The following COL5A2 variants were observed in gnomAD, a reference collection of about 807,000 sequenced individuals.
The protein encoded by COL5A2 is collagen alpha-2(V) chain.
COL5A2 carries 23 observed loss-of-function variants against 208.2 expected under a neutral mutation model. The observed-to-expected ratio is 0.11, with a 90% CI of 0.08 to 0.16. The LOEUF (loss-of-function observed/expected upper bound fraction) is 0.16. Ranked by LOEUF, COL5A2 falls within the 10% of genes least tolerant of loss-of-function variation. The probability of loss-of-function intolerance (pLI) is 1.00; values close to 1 mark genes in which losing one functional copy is unlikely to be tolerated. For missense variants in COL5A2, 1,590 were observed against 1,956.4 expected, an observed-to-expected ratio of 0.81 and a Z score of 3.53; for synonymous variants, 625 against 628.5, an observed-to-expected ratio of 0.99 and a Z score of 0.08.
intron 1 of COL5A2, among the ~76,000 whole-genome samples, chr2:189,120,682 T>G (rs904579234): frequency 6.6e-6 from 1 of 152,196 alleles, no homozygotes; most frequent in Non-Finnish European, 1.5e-5. Flanking sequence ...ACAGTCTGGA[T>G]ACATAGCAGA....
chr2:189,129,368 T>G (rs1687667633), intron 1 of COL5A2, among the ~76,000 whole-genome samples: 2 of 152,124 alleles, frequency 1.3e-5, no homozygotes, highest in South Asian at 4.1e-4. Flanking sequence ...AAAATCCATG[T>G]TTTTCAATAT....
the COL5A2 span, among the ~76,000 whole-genome samples, chr2:189,421,259 T>C: frequency 9.9e-5 from 15 of 152,058 alleles, no homozygotes; most frequent in East Asian, 3.9e-4. Flanking sequence ...TTACGAAACA[T>C]AACTTGCAGG....
intron 1 of COL5A2, among the ~76,000 whole-genome samples, chr2:189,187,450 T>C (rs971612401): frequency 6.6e-6 from 1 of 152,210 alleles, no homozygotes; most frequent in East Asian, 1.9e-4. Context: ...TGGGTCATGA[T>C]GAAAACATCA....
chr2:189,044,183 G>T (rs1348421224), intron 47 of COL5A2, among the ~76,000 whole-genome samples: 1 of 152,130 alleles, frequency 6.6e-6, no homozygotes, highest in Non-Finnish European at 1.5e-5. Flanking sequence ...GAAGATGACT[G>T]CAGTCATCAA....
intron 1 of COL5A2, among the ~76,000 whole-genome samples, chr2:189,177,658 T>C (rs1398348596): frequency 6.6e-6 from 1 of 152,178 alleles, no homozygotes; most frequent in Non-Finnish European, 1.5e-5. Flanking sequence ...GCTATTTGGT[T>C]ATACTGTTCG....
chr2:189,192,446 G>C (rs1375515346), intron 1 of COL5A2, among the ~76,000 whole-genome samples: 1 of 152,130 alleles, frequency 6.6e-6, no homozygotes, highest in Non-Finnish European at 1.5e-5. Flanking sequence ...CGACCCCATA[G>C]GTCCTTCGAG....
At chr2:189,082,926 A>G (rs925277809) in intron 12 of COL5A2, among the ~76,000 whole-genome samples, 39 of 152,190 alleles carry the variant, frequency 2.6e-4, no homozygotes, top group Non-Finnish European at 1.5e-5. Context: ...GAAAGCAGGG[A>G]GTTGGGAAAT....
chr2:189,079,680 A>G lies in COL5A2; in HGVS notation c.960+298T>C, dbSNP rs537905868. ...TAAACCTTTCAGATATTTTTTAAAA[A>G]GAAAAATGAATGATTGTATTTTAAA... On this transcript the variant is annotated intron_variant, in intron 14 of 53. Coordinates refer to ENST00000374866, the MANE Select transcript of COL5A2 (RefSeq NM_000393.5). 2.6e-5 allele frequency among the ~76,000 whole-genome samples: 4 copies of G among 152,308 alleles called. No individual in the cohort carries two copies. In the South Asian group the frequency reaches 8.3e-4, roughly 32 times the overall value.
intron 47 of COL5A2, 24 bp downstream of exon 47, chr2:189,045,154 TA>T: frequency 6.4e-7 from 1 of 1,572,182 alleles, no homozygotes; most frequent in Non-Finnish European, 8.7e-7. Flanking sequence ...AAACATTTTT[TA>T]AAAAACAAAA....
intron 47 of COL5A2, among the ~76,000 whole-genome samples, chr2:189,044,627 TG>T (rs1370474398): frequency 6.6e-6 from 1 of 152,178 alleles, no homozygotes; most frequent in African/African-American, 2.4e-5. Flanking sequence ...AAAGTATAAT[TG>T]TTCTTTTTGA....
At chr2:189,376,003 T>C in the COL5A2 span, among the ~76,000 whole-genome samples, 27 of 152,326 alleles carry the variant, frequency 1.8e-4, no homozygotes, top group African/African-American at 6.5e-4. Context: ...CTGCCATGCA[T>C]GGTGACTTAG....
At chr2:189,262,514 C>G in the COL5A2 span, among the ~76,000 whole-genome samples, 1 of 152,020 alleles carries the variant, frequency 6.6e-6, no homozygotes, top group East Asian at 1.9e-4. Flanking sequence ...CGAAGAGAAA[C>G]AGCATTTATG....
the COL5A2 span, among the ~76,000 whole-genome samples, chr2:189,395,971 CTACAGTTTTGT>C: frequency 2.1e-5 from 3 of 144,518 alleles, no homozygotes; most frequent in Non-Finnish European, 3.0e-5. Flanking sequence ...AAAAATGTAG[CTACAGTTTTGT>C]GGGTAATTGT....
At chr2:189,048,030 T>C (rs1685705559) in intron 45 of COL5A2, among the ~76,000 whole-genome samples, 179 bp downstream of exon 45, 1 of 152,232 alleles carries the variant, frequency 6.6e-6, no homozygotes, top group Non-Finnish European at 1.5e-5. Context: ...ATTTGTTGCA[T>C]ATTCAAATAT....
At chr2:189,061,960 A>G (rs1686041160) in intron 29 of COL5A2, among the ~76,000 whole-genome samples, 1 of 152,182 alleles carries the variant, frequency 6.6e-6, no homozygotes, top group Admixed American at 6.5e-5. Flanking sequence ...TATTTTTATT[A>G]TAGTTTATTT....
the COL5A2 span, among the ~76,000 whole-genome samples, chr2:189,433,327 A>G: frequency 6.6e-6 from 1 of 152,242 alleles, no homozygotes; most frequent in Non-Finnish European, 1.5e-5. Flanking sequence ...GAAATAACTA[A>G]GATCAGAGCA....
At chr2:189,359,536 G>A in the COL5A2 span, among the ~76,000 whole-genome samples, 4 of 152,028 alleles carry the variant, frequency 2.6e-5, no homozygotes. Flanking sequence ...TTTCGTTTTT[G>A]GTGCGTCCTT....
the COL5A2 span, among the ~76,000 whole-genome samples, chr2:189,422,858 A>C: frequency 6.6e-6 from 1 of 152,208 alleles, no homozygotes; most frequent in Non-Finnish European, 1.5e-5. Flanking sequence ...CCCCGTCTCT[A>C]CTAAAAATAC....
In COL5A2 at chr2:189,062,922, G is replaced by A. The variant is rs1559085578; in HGVS notation, c.1924-4C>T. 2 of 1,614,078 alleles carry A rather than the reference G, an allele frequency of 1.2e-6. No homozygotes were observed. Among genetic ancestry groups the A allele is most frequent in the Non-Finnish European group, 8.5e-7 (1 of 1,180,010 alleles). ...CACCATCTTTTCCAGGAGCTCCCTA[G>A]TATCACACACAGATATTTGTGAGGT... On this transcript the variant is annotated splice_polypyrimidine_tract_variant and splice_region_variant and intron_variant, in intron 28 of 53. Coordinates refer to ENST00000374866, the MANE Select transcript of COL5A2 (RefSeq NM_000393.5).
Sources: allele counts gnomAD v4.1 joint callset (sites outside exome capture counted in the v4.1 genomes callset), GRCh38; gene constraint gnomAD v4.1.1; transcripts MANE v1.5; gene names NCBI Gene and HGNC (gene_info 2026-07-23, HGNC 2026-07-21).